The following PSMA5 variants were observed in gnomAD, a reference collection of about 807,000 sequenced individuals.
PSMA5 encodes the protein proteasome subunit alpha type-5.
In PSMA5, 3 loss-of-function variants were observed where a neutral mutation model predicts 34.5. The ratio of observed to expected loss-of-function variants is 0.09; its 90% confidence interval spans 0.04 to 0.22. PSMA5 has a LOEUF of 0.22. Among genes scored for constraint, PSMA5 ranks in the 10% least tolerant of loss-of-function variants. The probability of loss-of-function intolerance (pLI) is 1.00; values close to 1 mark genes in which losing one functional copy is unlikely to be tolerated. For missense variants in PSMA5, 120 were observed against 286.1 expected, an observed-to-expected ratio of 0.42 and a Z score of 4.19; for synonymous variants, 88 against 95.8, an observed-to-expected ratio of 0.92 and a Z score of 0.47.
At chr1:109,412,445 C>G in intron 4 of PSMA5, 1 of 364,980 alleles carries the variant, frequency 2.7e-6, no homozygotes, top group Non-Finnish European at 5.0e-6. Context: ...CTCAAAGCAC[C>G]AAGTTTACTC....
intron 8 of PSMA5, among the ~76,000 whole-genome samples, chr1:109,408,274 T>C (rs1024605252): frequency 6.6e-6 from 1 of 152,146 alleles, no homozygotes; most frequent in Non-Finnish European, 1.5e-5. Context: ...AACCTCAAAG[T>C]TTCCTTTACC....
chr1:109,424,162 C>T (rs1654553477), intron 1 of PSMA5, among the ~76,000 whole-genome samples: 1 of 152,174 alleles, frequency 6.6e-6, no homozygotes, highest in Admixed American at 6.5e-5. Context: ...TAAATGTCAG[C>T]TCCTTTGTGA....
Position 109,421,857 on chromosome 1 carries a change from T to A in PSMA5, c.96+3A>T. ...TCAGGACCTATGCTACTTGCTACTATACCTTGATAGCCTCAATGGCATATT... is the reference window on the plus strand; with the variant it reads ...TCAGGACCTATGCTACTTGCTACTAAACCTTGATAGCCTCAATGGCATATT... On this transcript the variant is annotated splice_donor_region_variant and intron_variant, in intron 2 of 8. Transcript: ENST00000271308. 6.4e-7 allele frequency: 1 copy of A among 1,556,562 alleles called. No homozygotes were observed. Among genetic ancestry groups the A allele is most frequent in the Non-Finnish European group, 8.6e-7 (1 of 1,158,784 alleles).
chr1:109,419,533 G>A (rs976775813), intron 2 of PSMA5, among the ~76,000 whole-genome samples: 11 of 152,008 alleles, frequency 7.2e-5, no homozygotes, highest in African/African-American at 2.2e-4. Context: ...GGCCAGGCGC[G>A]GTGGCTCACA....
At position 109,399,612 on chromosome 1, in the gene PSMA5, T is replaced by C. The variant is rs964795209; in HGVS notation, c.*2401A>G. 6.6e-6 allele frequency: 1 copy of C among 152,260 alleles called. No individual in the cohort carries two copies. The highest frequency in any genetic ancestry group is 2.4e-5 in the African/African-American group (1 of 41,472). The allele number at this position is 152,260 out of a possible 1,614,324, so 9.4% of individuals were successfully genotyped here. The stretch of plus-strand genomic sequence containing the variant: ...AACGCTATTAAATTTGTTCCAATTA[T>C]CTGTACCTTCACTTTTTAGTATGTT... On this transcript the variant is annotated 3_prime_UTR_variant, in exon 9 of 9. Coordinates refer to ENST00000271308, the MANE Select transcript of PSMA5 (RefSeq NM_002790.4).
intron 8 of PSMA5, among the ~76,000 whole-genome samples, chr1:109,407,161 G>A (rs1653801369): frequency 6.6e-6 from 1 of 151,944 alleles, no homozygotes; most frequent in South Asian, 2.1e-4. Flanking sequence ...AATTTTTTTT[G>A]TATTTTTAGT....
At chr1:109,412,038 T>A (rs71656001) in intron 5 of PSMA5, 39 bp downstream of exon 5, 26 of 1,595,682 alleles carry the variant, frequency 1.6e-5, no homozygotes, top group Non-Finnish European at 2.2e-5. Flanking sequence ...CTAAGTCCCA[T>A]AGAACAATAA....
intron 8 of PSMA5, among the ~76,000 whole-genome samples, chr1:109,407,530 G>A (rs1653826044): frequency 6.6e-6 from 1 of 152,124 alleles, no homozygotes; most frequent in Non-Finnish European, 1.5e-5. Context: ...CCCTACCATG[G>A]ATTAATCCAA....
At chr1:109,410,482 A>G (rs1002997311) in intron 7 of PSMA5, among the ~76,000 whole-genome samples, 2 of 152,236 alleles carry the variant, frequency 1.3e-5, no homozygotes, top group Non-Finnish European at 2.9e-5. Context: ...GCATCCCTGT[A>G]TGAACCACCT....
chr1:109,426,166 A>C, intron 1 of PSMA5, 136 bp downstream of exon 1: 1 of 1,193,058 alleles, frequency 8.4e-7, no homozygotes, highest in South Asian at 1.3e-5. Context: ...GCGCCTGAGG[A>C]GGGCATAACA....
In PSMA5 at chr1:109,411,101, G is replaced by A. The variant is rs1412200251; in HGVS notation, c.471C>T (p.Asp157=). The change falls in exon 7 of 9, where the codon GAC becomes GAT. Residue 157 remains aspartate, a synonymous_variant. Coordinates refer to ENST00000271308, the MANE Select transcript of PSMA5 (RefSeq NM_002790.4). ...CACACTGTACAAAGGTCCCAGATGGGTCCATATGAAACCTGCAAAACCCCC... is the reference window on the plus strand; with the variant it reads ...CACACTGTACAAAGGTCCCAGATGGATCCATATGAAACCTGCAAAACCCCC... The part of the protein sequence containing the change: ...DEKGPQLFHM[D]PSGTFVQCDA... 29 of 1,612,554 alleles carry A rather than the reference G, an allele frequency of 1.8e-5. No homozygotes were observed. Among genetic ancestry groups the A allele is most frequent in the Non-Finnish European group, 2.3e-5 (27 of 1,179,206 alleles).
At chr1:109,408,475 T>C (rs1653871869) in intron 8 of PSMA5, among the ~76,000 whole-genome samples, 1 of 152,172 alleles carries the variant, frequency 6.6e-6, no homozygotes, top group African/African-American at 2.4e-5. Flanking sequence ...TCTTATTATC[T>C]ATATGTTCCC....
intron 8 of PSMA5, among the ~76,000 whole-genome samples, chr1:109,408,255 G>A (rs113879246): frequency 2.0e-5 from 3 of 152,154 alleles, no homozygotes; most frequent in Middle Eastern, 3.4e-3. Context: ...CACCTCAGCA[G>A]TCAGACAAAA....
intron 1 of PSMA5, among the ~76,000 whole-genome samples, chr1:109,424,980 C>T (rs551428564): frequency 5.0e-5 from 7 of 139,790 alleles, no homozygotes; most frequent in East Asian, 1.9e-4. Context: ...AGCGAGACTC[C>T]GTCTCAAAAA....
chr1:109,426,434 T>C lies in PSMA5; in HGVS notation c.-104A>G. On this transcript the variant is annotated 5_prime_UTR_variant, in exon 1 of 9. Transcript: ENST00000271308. Reference sequence around the variant, plus strand: ...AGCCAACTCACCCACACGGCCGCAGTACTAAGGACCAACTGCGCGTGCGAC... The same window carrying C: ...AGCCAACTCACCCACACGGCCGCAGCACTAAGGACCAACTGCGCGTGCGAC... The C allele has an allele frequency of 1.1e-5, 16 of 1,436,728 alleles. No individual in the cohort carries two copies. Among genetic ancestry groups the C allele is most frequent in the East Asian group, 2.3e-5 (1 of 44,040 alleles). 89.0% of individuals were successfully genotyped at this position (1,436,728 alleles called of 1,614,324 possible).
chr1:109,410,725 TAAAC>T (rs1056712763), intron 7 of PSMA5, among the ~76,000 whole-genome samples: 3 of 152,230 alleles, frequency 2.0e-5, no homozygotes, highest in African/African-American at 4.8e-5. Flanking sequence ...AACAGTGTGT[TAAAC>T]AAAACAGATA....
intron 8 of PSMA5, among the ~76,000 whole-genome samples, chr1:109,407,337 T>C (rs1305876118): frequency 6.6e-6 from 1 of 152,136 alleles, no homozygotes; most frequent in Non-Finnish European, 1.5e-5. Flanking sequence ...AGGCTGGAGC[T>C]CCAAGGAACA....
intron 1 of PSMA5, 33 bp from the exon 2 acceptor site, chr1:109,421,959 C>A: frequency 7.4e-7 from 1 of 1,355,914 alleles, no homozygotes. Flanking sequence ...TAATTATACT[C>A]ATAAAAACTA....
chr1:109,404,879 G>A (rs1439594458), intron 8 of PSMA5, among the ~76,000 whole-genome samples: 1 of 152,170 alleles, frequency 6.6e-6, no homozygotes, highest in African/African-American at 2.4e-5. Context: ...GGTAAGTGTT[G>A]TAATAGAACT....
Sources: gnomAD v4.1 joint callset for allele counts (sites outside exome capture counted in the v4.1 genomes callset) on GRCh38, gnomAD v4.1.1 for gene constraint, MANE v1.5 for transcripts, NCBI Gene and HGNC (gene_info 2026-07-23, HGNC 2026-07-21) for gene names.